The following MBD5 variants were observed in gnomAD, a reference collection of about 807,000 sequenced individuals.
The protein encoded by MBD5 is methyl-CpG binding domain protein 5.
In MBD5, 13 loss-of-function variants were observed where a neutral mutation model predicts 117.3. The observed-to-expected ratio is 0.11, with a 90% confidence interval of 0.07 to 0.18. The LOEUF is 0.18. Among genes scored for constraint, MBD5 ranks in the 10% least tolerant of loss-of-function variants. The pLI is 1.00. For synonymous variants in MBD5, 727 were observed against 766.4 expected, an observed-to-expected ratio of 0.95 and a Z score of 0.85; for missense variants, 1,879 against 2,093.8, an observed-to-expected ratio of 0.90 and a Z score of 2.00.
At chr2:148,061,846 A>G (rs1396029324) in intron 1 of MBD5, among the ~76,000 whole-genome samples, 2 of 151,848 alleles carry the variant, frequency 1.3e-5, no homozygotes, top group Non-Finnish European at 2.9e-5. Context: ...ATCTTTAGAA[A>G]GCTTTAGATT....
chr2:148,463,787 G>C lies in MBD5; in HGVS notation c.265G>C (p.Asp89His), dbSNP rs1707173006. Residue 89 changes from aspartate to histidine, a missense_variant, in exon 7 of 14, where the codon GAT (aspartate) becomes CAT (histidine). Asp to His is a moderately conservative substitution (Grantham distance 81). Around this residue, in one of 4 missense-constraint regions of MBD5, gnomAD observed 71 missense variants for 129.2 expected, o/e 0.55. Coordinates refer to ENST00000642680, the MANE Select transcript of MBD5 (RefSeq NM_001378120.1). ...GAAVKQRTAE[D>H]VKADEDVTKL... is the part of the protein sequence containing the mutation. ...TGCTGTGAAACAGAGAACCGCAGAA[G>C]ATGTTAAGGCAGATGAAGATGTCAC... 1 of 1,613,696 alleles carries C rather than the reference G, an allele frequency of 6.2e-7. No homozygotes were observed. Among genetic ancestry groups the C allele is most frequent in the Non-Finnish European group, 8.5e-7 (1 of 1,179,788 alleles).
At chr2:148,067,163 C>T (rs1695222780) in intron 1 of MBD5, among the ~76,000 whole-genome samples, 1 of 152,126 alleles carries the variant, frequency 6.6e-6, no homozygotes, top group Non-Finnish European at 1.5e-5. Flanking sequence ...AAATAGAATG[C>T]AAAAGTACAG....
intron 3 of MBD5, among the ~76,000 whole-genome samples, chr2:148,324,490 G>C (rs1574287538): frequency 6.6e-6 from 1 of 152,272 alleles, no homozygotes; most frequent in Non-Finnish European, 1.5e-5. Context: ...TCTTCCATTT[G>C]TTTGTATCCT....
intron 2 of MBD5, among the ~76,000 whole-genome samples, chr2:148,195,359 C>T (rs1052658400): frequency 6.6e-6 from 1 of 151,966 alleles, no homozygotes; most frequent in South Asian, 2.1e-4. Context: ...GATTTATTCT[C>T]CTAAATGTAT....
At chr2:148,083,492 A>C (rs1326261347) in intron 1 of MBD5, among the ~76,000 whole-genome samples, 1 of 152,156 alleles carries the variant, frequency 6.6e-6, no homozygotes, top group Non-Finnish European at 1.5e-5. Context: ...TCCATCCAAA[A>C]TATAATATGT....
chr2:148,341,927 C>A (rs115448499), intron 3 of MBD5, among the ~76,000 whole-genome samples: 17,717 of 151,748 alleles, frequency 0.12, 1,367 homozygotes, highest in Non-Finnish European at 0.18. Flanking sequence ...AGTAGATATA[C>A]AAAATTATAC....
At chr2:148,511,233 G>A (rs1454004881) in intron 13 of MBD5, among the ~76,000 whole-genome samples, 1 of 152,222 alleles carries the variant, frequency 6.6e-6, no homozygotes, top group Non-Finnish European at 1.5e-5. Flanking sequence ...GGTTTTATGA[G>A]CCAGACCTGG....
Position 148,438,898 on chromosome 2 carries a change from A to G in MBD5, c.-556-19305A>G, listed in dbSNP as rs555280753. Among the ~76,000 whole-genome samples the G allele has an allele frequency of 9.9e-5, 15 of 152,276 alleles. 1 individual carries two copies. The South Asian group carries it at 2.7e-3, about 27-fold the overall frequency. On this transcript the variant is annotated intron_variant, in intron 4 of 13. Coordinates refer to ENST00000642680, the MANE Select transcript of MBD5 (RefSeq NM_001378120.1). Reference sequence around the variant, plus strand: ...CGCTGAGAGAAGATCTTTCCCACCTAGTTCACTCAGACTCACACTCCTGGA... The same window carrying G: ...CGCTGAGAGAAGATCTTTCCCACCTGGTTCACTCAGACTCACACTCCTGGA...
chr2:148,210,753 G>A (rs912737207), intron 2 of MBD5, among the ~76,000 whole-genome samples: 2 of 151,698 alleles, frequency 1.3e-5, no homozygotes, highest in Admixed American at 6.6e-5. Flanking sequence ...TAATGTAAAC[G>A]TTTTATCTTG....
At chr2:148,248,571 C>G (rs1700393556) in intron 3 of MBD5, among the ~76,000 whole-genome samples, 1 of 151,890 alleles carries the variant, frequency 6.6e-6, no homozygotes, top group African/African-American at 2.4e-5. Context: ...GAATGAGTGT[C>G]AGAAACTATA....
chr2:148,402,948 C>G (rs901327249), intron 4 of MBD5, among the ~76,000 whole-genome samples: 1 of 151,196 alleles, frequency 6.6e-6, no homozygotes, highest in African/African-American at 2.4e-5. Context: ...ATTTTATTTT[C>G]AGTTTCATTT....
At chr2:148,504,520 A>T (rs1681971163) in intron 12 of MBD5, among the ~76,000 whole-genome samples, 1 of 152,224 alleles carries the variant, frequency 6.6e-6, no homozygotes, top group African/African-American at 2.4e-5. Context: ...ATTTAAGAAG[A>T]CAAATTTAGC....
chr2:148,415,081 T>C (rs950730917), intron 4 of MBD5, among the ~76,000 whole-genome samples: 2 of 152,110 alleles, frequency 1.3e-5, no homozygotes, highest in African/African-American at 2.4e-5. Flanking sequence ...TGTACTTGAG[T>C]GTGTTTTTGT....
intron 3 of MBD5, among the ~76,000 whole-genome samples, chr2:148,258,951 G>C (rs1438355540): frequency 6.6e-6 from 1 of 152,148 alleles, no homozygotes; most frequent in East Asian, 1.9e-4. Flanking sequence ...CCTACATACA[G>C]GGTGGGGACA....
At chr2:148,189,635 A>T (rs1463847989) in intron 2 of MBD5, among the ~76,000 whole-genome samples, 2 of 42,082 alleles carry the variant, frequency 4.8e-5, no homozygotes, top group African/African-American at 1.8e-4. Context: ...CCAAAAGTAG[A>T]TAAAACCACA....
At chr2:148,137,693 A>T (rs1253989849) in intron 1 of MBD5, among the ~76,000 whole-genome samples, 1 of 152,240 alleles carries the variant, frequency 6.6e-6, no homozygotes, top group Non-Finnish European at 1.5e-5. Flanking sequence ...CATGTGCCAG[A>T]TAACAACATT....
intron 3 of MBD5, among the ~76,000 whole-genome samples, chr2:148,244,658 G>T (rs1338095484): frequency 6.6e-6 from 1 of 152,154 alleles, no homozygotes; most frequent in African/African-American, 2.4e-5. Flanking sequence ...GCCAAGCATT[G>T]TAGTGGGCAC....
intron 2 of MBD5, among the ~76,000 whole-genome samples, chr2:148,223,701 A>G (rs1217614685): frequency 1.3e-5 from 2 of 151,932 alleles, no homozygotes; most frequent in Non-Finnish European, 2.9e-5. Flanking sequence ...TTTTCAAAAA[A>G]CTAACTTGTT....
chr2:148,096,511 G>A (rs1696072502), intron 1 of MBD5, among the ~76,000 whole-genome samples: 1 of 152,124 alleles, frequency 6.6e-6, no homozygotes, highest in African/African-American at 2.4e-5. Flanking sequence ...ATATGCTTGA[G>A]GCCATACAAC....
Sources: gnomAD v4.1 joint callset for allele counts (sites outside exome capture counted in the v4.1 genomes callset) on GRCh38, gnomAD v4.1.1 for gene constraint, gnomAD v4.1.1 regional missense constraint, MANE v1.5 for transcripts, NCBI Gene and HGNC (gene_info 2026-07-23, HGNC 2026-07-21) for gene names.